Variants in CSMD1 observed in about 807,000 individuals in gnomAD.
CSMD1 encodes CUB and Sushi multiple domains 1, also known as CUB and sushi domain-containing protein 1.
In CSMD1, 213 loss-of-function variants were observed where a neutral mutation model predicts 417.5. The ratio of observed to expected loss-of-function variants is 0.51; its 90% CI spans 0.46 to 0.57. The LOEUF (loss-of-function observed/expected upper bound fraction) is 0.57, where lower values mean the gene tolerates loss of function less well. Ranked by LOEUF, CSMD1 falls within the 20% of genes least tolerant of loss-of-function variation. The probability of loss-of-function intolerance (pLI) is 0.00; values close to 1 mark genes in which losing one functional copy is unlikely to be tolerated. For missense variants in CSMD1, 6,923 were observed against 4,529.7 expected (o/e 1.53, Z -15.17); for synonymous variants, 2,862 against 1,736.8 (o/e 1.65, Z -16.11).
At chr8:3,761,456 C>T (rs1239849209) in intron 5 of CSMD1, among the ~76,000 whole-genome samples, 1 of 150,928 alleles carries the variant, frequency 6.6e-6, no homozygotes, top group Admixed American at 6.6e-5. Context: ...TAAAACTGTA[C>T]CACAGAAGAG....
intron 50 of CSMD1, among the ~76,000 whole-genome samples, chr8:3,040,520 T>C (rs1032755544): frequency 2.0e-5 from 3 of 151,068 alleles, no homozygotes; most frequent in Admixed American, 1.3e-4. Context: ...TGATAACAAA[T>C]TGGGCCGGGC....
chr8:4,126,219 C>A (rs995209290), intron 3 of CSMD1, among the ~76,000 whole-genome samples: 4 of 152,166 alleles, frequency 2.6e-5, no homozygotes, highest in African/African-American at 9.7e-5. Flanking sequence ...CTCTGGGAGA[C>A]TGATTTGAGT....
At chr8:3,916,357 C>T (rs1430253951) in intron 5 of CSMD1, among the ~76,000 whole-genome samples, 1 of 152,126 alleles carries the variant, frequency 6.6e-6, no homozygotes, top group Non-Finnish European at 1.5e-5. Context: ...CAGCGAATAT[C>T]AAGCCTCTGT....
At chr8:2,961,092 A>G (rs767989247) in intron 62 of CSMD1, 49 bp downstream of exon 62, 19 of 1,266,620 alleles carry the variant, frequency 1.5e-5, no homozygotes, top group Non-Finnish European at 3.3e-6. Context: ...AGTAACAAAT[A>G]TATTTTATAT....
At chr8:3,208,935 G>C (rs531263796) in intron 30 of CSMD1, among the ~76,000 whole-genome samples, 1 of 152,226 alleles carries the variant, frequency 6.6e-6, no homozygotes, top group South Asian at 2.1e-4. Context: ...GTGATCATGT[G>C]AGTTAATGCT....
At position 4,631,091 on chromosome 8, in the gene CSMD1, G is replaced by A. The variant is rs188744592; in HGVS notation, c.302+6251C>T. Among the ~76,000 whole-genome samples, 215 of 152,266 alleles carry A rather than the reference G, an allele frequency of 1.4e-3. 1 individual carries two copies. Among genetic ancestry groups the A allele is most frequent in the African/African-American group, 4.6e-3 (193 of 41,544 alleles). Reference sequence around the variant, plus strand: ...TAAAAATAAAATGAAGGCCAGGTGCGGTGGCTCACACCTGTAATCCCAGCA... The same window carrying A: ...TAAAAATAAAATGAAGGCCAGGTGCAGTGGCTCACACCTGTAATCCCAGCA... On this transcript the variant is annotated intron_variant, in intron 2 of 69. Coordinates refer to ENST00000635120, the MANE Select transcript of CSMD1 (RefSeq NM_033225.6).
At chr8:3,851,726 AAG>A (rs1803920930) in intron 5 of CSMD1, among the ~76,000 whole-genome samples, 1 of 152,184 alleles carries the variant, frequency 6.6e-6, no homozygotes, top group South Asian at 2.1e-4. Context: ...AATTAAAGGA[AAG>A]AGAGAGAACA....
chr8:3,332,869 G>C (rs1040018552), intron 23 of CSMD1, among the ~76,000 whole-genome samples: 2 of 152,178 alleles, frequency 1.3e-5, no homozygotes, highest in Non-Finnish European at 2.9e-5. Context: ...TCTGTGACTT[G>C]AGCTGACAAC....
rs563090361 is a variant in CSMD1 at position 3,656,796 on chromosome 8, A to T, written c.1010-39999T>A. On this transcript the variant is annotated intron_variant, in intron 7 of 69. Transcript: ENST00000635120. The stretch of plus-strand genomic sequence containing the variant: ...CAAAAATTAGGCAGATGTGGTGGGC[A>T]TCCCTGTAGTCCCAGCTATTCAGGA... Among the ~76,000 whole-genome samples, 5 of 152,218 alleles carry T rather than the reference A, an allele frequency of 3.3e-5. No individual in the cohort carries two copies. In the South Asian group the frequency reaches 1.0e-3, roughly 32 times the overall value.
intron 1 of CSMD1, among the ~76,000 whole-genome samples, chr8:4,638,710 C>G (rs1031600851): frequency 6.6e-6 from 1 of 152,176 alleles, no homozygotes; most frequent in African/African-American, 2.4e-5. Flanking sequence ...TCAGCCCTCC[C>G]TTAAGAACTT....
intron 11 of CSMD1, among the ~76,000 whole-genome samples, chr8:3,472,521 T>C (rs62473735): frequency 0.057 from 8,740 of 152,142 alleles, 340 homozygotes; most frequent in Middle Eastern, 0.11. Context: ...AATCCAACCA[T>C]CCACTCTCTA....
chr8:3,403,660 C>T (rs934271269), intron 15 of CSMD1, among the ~76,000 whole-genome samples: 1 of 152,172 alleles, frequency 6.6e-6, no homozygotes, highest in Non-Finnish European at 1.5e-5. Context: ...CAGGACAGAA[C>T]AGAGATGAGA....
intron 1 of CSMD1, among the ~76,000 whole-genome samples, chr8:4,966,483 G>A (rs12676398): frequency 0.019 from 2,935 of 152,162 alleles, 101 homozygotes; most frequent in East Asian, 0.14. Flanking sequence ...GATCTCAATG[G>A]GACACATCGC....
At chr8:3,899,499 G>C (rs1212813443) in intron 5 of CSMD1, among the ~76,000 whole-genome samples, 1 of 152,120 alleles carries the variant, frequency 6.6e-6, no homozygotes, top group Non-Finnish European at 1.5e-5. Flanking sequence ...GACCTGGAAG[G>C]ACCCTCATTT....
chr8:4,865,739 T>G (rs1182174665), intron 1 of CSMD1, among the ~76,000 whole-genome samples: 1 of 151,926 alleles, frequency 6.6e-6, no homozygotes, highest in Non-Finnish European at 1.5e-5. Flanking sequence ...TTACTTAATA[T>G]AAGAGAGAAA....
chr8:4,860,267 G>A (rs1229005582), intron 1 of CSMD1, among the ~76,000 whole-genome samples: 2 of 126,432 alleles, frequency 1.6e-5, no homozygotes, highest in African/African-American at 5.9e-5. Flanking sequence ...GTTGTGGGGT[G>A]GGGGGAGGGG....
intron 1 of CSMD1, among the ~76,000 whole-genome samples, chr8:4,932,966 G>C (rs193141832): frequency 7.8e-4 from 118 of 152,210 alleles, no homozygotes; most frequent in Middle Eastern, 3.4e-3. Flanking sequence ...CAAAATGCAG[G>C]AATTGAAGAT....
chr8:3,065,183 A>G (rs903929330), intron 49 of CSMD1, among the ~76,000 whole-genome samples: 1 of 152,284 alleles, frequency 6.6e-6, no homozygotes. Flanking sequence ...AAAAAGAAAA[A>G]TATATAAAAA....
chr8:3,192,346 A>G (rs10086969), intron 33 of CSMD1, among the ~76,000 whole-genome samples: 22,706 of 152,256 alleles, frequency 0.15, 1,881 homozygotes, highest in Non-Finnish European at 0.2. Context: ...ATATTTGCAT[A>G]AACATAATGA....
Sources: allele counts gnomAD v4.1 joint callset (sites outside exome capture counted in the v4.1 genomes callset), GRCh38; gene constraint gnomAD v4.1.1; transcripts MANE v1.5; gene names NCBI Gene and HGNC (gene_info 2026-07-23, HGNC 2026-07-21).